Variants in TRAM1 observed in about 807,000 individuals in gnomAD.
The protein encoded by TRAM1 is translocating chain-associated membrane protein 1.
A neutral mutation model predicts 48.7 loss-of-function variants in TRAM1; 17 were observed. The observed-to-expected ratio is 0.35, with a 90% CI of 0.24 to 0.52. The LOEUF (loss-of-function observed/expected upper bound fraction) is 0.52. Among genes scored for constraint, TRAM1 ranks in the 20% least tolerant of loss-of-function variants. The probability of loss-of-function intolerance (pLI) is 0.94; values close to 1 mark genes in which losing one functional copy is unlikely to be tolerated. For missense variants in TRAM1, 351 were observed against 441.5 expected (o/e 0.79, Z 1.84); for synonymous variants, 182 against 154.0 (o/e 1.18, Z -1.34).
rs1460401439 is a variant in TRAM1 at position 70,599,714 on chromosome 8, T to TA, written c.187+304dup. ...ATGAACAATGACATTTAAACAATTT[T>TA]AAAAAGATCTTTTCTTATAATTTTC... On this transcript the variant is annotated intron_variant, in intron 2 of 10. Transcript: ENST00000262213. 3.3e-5 allele frequency among the ~76,000 whole-genome samples: 5 copies of TA among 152,336 alleles called. No homozygotes were observed. The East Asian group carries it at 9.6e-4, about 29-fold the overall frequency.
In TRAM1 at chr8:70,583,253, C is replaced by T. The variant is rs766963451; in HGVS notation, c.962G>A (p.Arg321Gln). The T allele has an allele frequency of 3.1e-6, 5 of 1,613,944 alleles. No individual in the cohort carries two copies. The highest frequency in any genetic ancestry group is 1.3e-5 in the African/African-American group (1 of 75,028). ...AAAAGCAGAATGTTCCCTCCACCTT[C>T]GAAGCTGAAAATTAATGAACTTCCA... ...MMWKFINFQL[R>Q]RWREHSAFQA... The change falls in exon 10 of 11, where the codon CGA (arginine) becomes CAA (glutamine). Residue 321 changes from arginine to glutamine, a missense_variant. Physicochemically the swap from Arg to Gln is conservative, Grantham distance 43. Transcript: ENST00000262213.
At chr8:70,579,928 A>AC (rs1817039811) in intron 10 of TRAM1, among the ~76,000 whole-genome samples, 1 of 152,200 alleles carries the variant, frequency 6.6e-6, no homozygotes, top group South Asian at 2.1e-4. Flanking sequence ...AATTAGGAAG[A>AC]CTTTTTTCAG....
At chr8:70,598,871 C>G (rs1817544657) in intron 2 of TRAM1, among the ~76,000 whole-genome samples, 1 of 152,196 alleles carries the variant, frequency 6.6e-6, no homozygotes, top group Non-Finnish European at 1.5e-5. Context: ...CTTTATTCTT[C>G]TCTGGCATAT....
chr8:70,574,865 C>G lies in TRAM1; in HGVS notation c.*67G>C, dbSNP rs1399391134. The G allele has an allele frequency of 5.4e-6, 6 of 1,112,362 alleles. No homozygotes were observed. Among genetic ancestry groups the G allele is most frequent in the Non-Finnish European group, 8.0e-6 (6 of 750,202 alleles). The allele number at this position is 1,112,362 out of a possible 1,614,324, so 68.9% of individuals were successfully genotyped here. A position where few individuals can be genotyped will look rare whatever the true frequency, so the allele number is the denominator to read the frequency against. On this transcript the variant is annotated 3_prime_UTR_variant, in exon 11 of 11. Transcript: ENST00000262213. ...TGTATTTTCAAGAACAGAAAAATCT[C>G]TAATGCTGAAAGATATAGTAGAAAG... is the stretch of plus-strand genomic sequence containing the variant.
intron 6 of TRAM1, among the ~76,000 whole-genome samples, chr8:70,589,843 T>TCAAAA (rs529112697): frequency 4.3e-4 from 66 of 152,194 alleles, no homozygotes; most frequent in South Asian, 3.5e-3. Flanking sequence ...AGACCTTGTC[T>TCAAAA]CAAAACAAAA....
At position 70,608,262 on chromosome 8, in the gene TRAM1, C is replaced by G; in HGVS notation, c.-63G>C. The G allele has an allele frequency of 6.7e-7, 1 of 1,491,428 alleles. No homozygotes were observed. The highest frequency in any genetic ancestry group is 8.9e-7 in the Non-Finnish European group (1 of 1,124,382). 92.4% of individuals were successfully genotyped at this position (1,491,428 alleles called of 1,614,324 possible). On this transcript the variant is annotated 5_prime_UTR_variant, in exon 1 of 11. Transcript: ENST00000262213. Reference sequence around the variant, plus strand: ...CGGTTCTGCTCTTCCCAGCTGCTCACCGACTCGCCGCCGCCTCCCGCTGGC... The same window carrying G: ...CGGTTCTGCTCTTCCCAGCTGCTCAGCGACTCGCCGCCGCCTCCCGCTGGC...
intron 1 of TRAM1, chr8:70,607,051 A>C (rs1817735405): frequency 2.2e-6 from 2 of 910,326 alleles, no homozygotes; most frequent in South Asian, 5.0e-5. Context: ...GAGAGGAGAC[A>C]AAACAAGGCA....
intron 5 of TRAM1, among the ~76,000 whole-genome samples, chr8:70,595,089 T>C (rs1817459922): frequency 6.6e-6 from 1 of 150,598 alleles, no homozygotes; most frequent in African/African-American, 2.4e-5. Flanking sequence ...GGTTGGAACA[T>C]GGAGAAAGCC....
rs1167597104 is a variant in TRAM1 at position 70,576,078 on chromosome 8, AAG to A, written c.1052-1075_1052-1074del. On this transcript the variant is annotated intron_variant, in intron 10 of 10. Transcript: ENST00000262213. ...AGAGCTAGACTCCATCTAAAAAAAA[AAG>A]AAAAAAAAAAAAAAACCACACAAAA... Among the ~76,000 whole-genome samples the A allele has an allele frequency of 9.5e-4, 66 of 69,684 alleles. 15 individuals are homozygous for A. Among genetic ancestry groups the A allele is most frequent in the Non-Finnish European group, 2.1e-3 (45 of 21,152 alleles). The allele number at this position is 69,684 out of a possible 152,430, so 45.7% of individuals were successfully genotyped here.
chr8:70,583,348 AG>A, intron 9 of TRAM1, 24 bp from the exon 10 acceptor site: 1 of 1,605,390 alleles, frequency 6.2e-7, no homozygotes, highest in Non-Finnish European at 8.5e-7. Context: ...AGACATAAAA[AG>A]TTAGTGTATA....
At chr8:70,586,508 T>C (rs1019065790) in intron 8 of TRAM1, among the ~76,000 whole-genome samples, 1 of 152,178 alleles carries the variant, frequency 6.6e-6, no homozygotes, top group Non-Finnish European at 1.5e-5. Flanking sequence ...TCTCCAATTC[T>C]GTTTTCAGTT....
At chr8:70,579,274 C>T (rs1457138834) in intron 10 of TRAM1, among the ~76,000 whole-genome samples, 1 of 152,176 alleles carries the variant, frequency 6.6e-6, no homozygotes, top group East Asian at 1.9e-4. Context: ...GTATGGAATA[C>T]TTTAGGCAAC....
intron 4 of TRAM1, among the ~76,000 whole-genome samples, chr8:70,597,689 A>AAAAG (rs1563389044): frequency 4.0e-5 from 6 of 150,440 alleles, no homozygotes; most frequent in African/African-American, 1.5e-4. Context: ...AAAAAAAAAA[A>AAAAG]AAAGAAAGAT....
In TRAM1 at chr8:70,574,833, C is replaced by G. The variant is rs1373957619; in HGVS notation, c.*99G>C. ...CCGTACAATAGCAAAAATCAAAGAGCACAGACTGTATTTTCAAGAACAGAA... is the reference window on the plus strand; with the variant it reads ...CCGTACAATAGCAAAAATCAAAGAGGACAGACTGTATTTTCAAGAACAGAA... On this transcript the variant is annotated 3_prime_UTR_variant, in exon 11 of 11. Transcript: ENST00000262213. 3 of 866,266 alleles carry G rather than the reference C, an allele frequency of 3.5e-6. No homozygotes were observed. Among genetic ancestry groups the G allele is most frequent in the Non-Finnish European group, 5.5e-6 (3 of 547,750 alleles). The allele number at this position is 866,266 out of a possible 1,614,324, so 53.7% of individuals were successfully genotyped here.
intron 5 of TRAM1, among the ~76,000 whole-genome samples, chr8:70,595,814 A>G (rs1817474652): frequency 6.6e-6 from 1 of 152,196 alleles, no homozygotes; most frequent in South Asian, 2.1e-4. Flanking sequence ...GTAACCACTG[A>G]GCACTTTAAC....
intron 1 of TRAM1, 57 bp downstream of exon 1, chr8:70,608,020 G>C: frequency 6.6e-7 from 1 of 1,509,408 alleles, no homozygotes; most frequent in South Asian, 1.2e-5. Flanking sequence ...GGCATCTGGA[G>C]CCCGGGCCCG....
At chr8:70,586,402 C>T (rs917105864) in intron 8 of TRAM1, among the ~76,000 whole-genome samples, 1 of 151,628 alleles carries the variant, frequency 6.6e-6, no homozygotes, top group Non-Finnish European at 1.5e-5. Flanking sequence ...TGCACATGTA[C>T]CCTAAAACTT....
chr8:70,594,101 T>C (rs911938354), intron 6 of TRAM1, among the ~76,000 whole-genome samples: 4 of 152,222 alleles, frequency 2.6e-5, no homozygotes, highest in Admixed American at 1.3e-4. Flanking sequence ...GCTTTAGGAC[T>C]TACACACAGA....
chr8:70,578,681 C>T (rs1817012436), intron 10 of TRAM1, among the ~76,000 whole-genome samples: 1 of 152,172 alleles, frequency 6.6e-6, no homozygotes, highest in East Asian at 1.9e-4. Flanking sequence ...TGAACACTTC[C>T]AAACACTTAA....
Sources: allele counts gnomAD v4.1 joint callset (sites outside exome capture counted in the v4.1 genomes callset), GRCh38; gene constraint gnomAD v4.1.1; transcripts MANE v1.5; gene names NCBI Gene and HGNC (gene_info 2026-07-23, HGNC 2026-07-21).